TSG101: variants seen among roughly 807,000 people sequenced by gnomAD.
TSG101 encodes the protein tumor susceptibility 101.
Under a neutral mutation model 48.5 loss-of-function variants are expected in TSG101, and 19 were observed. The ratio of observed to expected loss-of-function variants is 0.39; its 90% confidence interval spans 0.27 to 0.58. The LOEUF is 0.58. Among genes scored for constraint, TSG101 ranks in the 20% least tolerant of loss-of-function variants. The pLI is 0.55. For missense variants in TSG101, 365 were observed against 484.4 expected (o/e 0.75, Z 2.31); for synonymous variants, 174 against 169.4 (o/e 1.03, Z -0.21).
intron 2 of TSG101, among the ~76,000 whole-genome samples, chr11:18,518,898 C>T (rs1054454961): frequency 6.6e-6 from 1 of 152,082 alleles, no homozygotes; most frequent in Non-Finnish European, 1.5e-5. Flanking sequence ...TACCCCTGTT[C>T]CCAGCATAAC....
intron 4 of TSG101, among the ~76,000 whole-genome samples, chr11:18,513,483 G>C (rs562276394): frequency 6.6e-6 from 1 of 151,688 alleles, no homozygotes; most frequent in Non-Finnish European, 1.5e-5. Flanking sequence ...TTTTTTTATA[G>C]AGATGGGGTT....
chr11:18,509,943 A>C (rs1413043215), intron 4 of TSG101, among the ~76,000 whole-genome samples: 1 of 152,176 alleles, frequency 6.6e-6, no homozygotes, highest in East Asian at 1.9e-4. Flanking sequence ...ACTCCACAGA[A>C]CTAACAAAAA....
intron 4 of TSG101, among the ~76,000 whole-genome samples, chr11:18,513,220 TTTTTTTTTAGCATCTTA>T (rs1448543185): frequency 3.3e-5 from 5 of 151,504 alleles, no homozygotes; most frequent in Non-Finnish European, 5.9e-5. Context: ...TCTGCTTAGT[TTTTTTTTTAGCATCTTA>T]TCTTTGAAGC....
intron 2 of TSG101, among the ~76,000 whole-genome samples, chr11:18,516,571 C>T (rs1358657560): frequency 6.6e-6 from 1 of 151,970 alleles, no homozygotes; most frequent in Non-Finnish European, 1.5e-5. Context: ...GTCTCGAACT[C>T]CTAACCTCGT....
chr11:18,526,720 G>C, intron 1 of TSG101, 55 bp downstream of exon 1: 1 of 1,578,964 alleles, frequency 6.3e-7, no homozygotes, highest in Non-Finnish European at 8.6e-7. Flanking sequence ...GACTCGACAG[G>C]GCGCGGAAGG....
At position 18,484,085 on chromosome 11, in the gene TSG101, G is replaced by A. The variant is rs2279902; in HGVS notation, c.641-13C>T. ...TCCCTACTGGGACCTGCAGGAAACA[G>A]AGGCAAAAAACACTTGCTTACTTCC... On this transcript the variant is annotated splice_polypyrimidine_tract_variant and intron_variant, in intron 7 of 9. Coordinates refer to ENST00000251968, the MANE Select transcript of TSG101 (RefSeq NM_006292.4). 216,987 of 1,612,220 alleles carry A rather than the reference G, an allele frequency of 0.13. 16,449 individuals carry two copies. Among genetic ancestry groups the A allele is most frequent in the East Asian group, 0.25 (11,038 of 44,824 alleles).
intron 7 of TSG101, among the ~76,000 whole-genome samples, chr11:18,486,725 C>T (rs1237462792): frequency 1.3e-5 from 2 of 151,578 alleles, no homozygotes; most frequent in Non-Finnish European, 2.9e-5. Flanking sequence ...CCTCAGGGAT[C>T]TAGAACTAGA....
intron 7 of TSG101, among the ~76,000 whole-genome samples, chr11:18,499,996 C>T (rs191275932): frequency 6.6e-6 from 1 of 152,236 alleles, no homozygotes; most frequent in Admixed American, 6.5e-5. Context: ...TCTTCATAAG[C>T]CCTATCCCAC....
chr11:18,483,277 C>T (rs1321238683), intron 8 of TSG101, among the ~76,000 whole-genome samples: 1 of 151,994 alleles, frequency 6.6e-6, no homozygotes, highest in Non-Finnish European at 1.5e-5. Context: ...GGTGGATCAC[C>T]TGAGATCAGG....
chr11:18,484,933 G>A (rs966960086), intron 7 of TSG101, among the ~76,000 whole-genome samples: 8 of 106,084 alleles, frequency 7.5e-5, no homozygotes, highest in Non-Finnish European at 1.4e-4. Context: ...CTTAATTGCC[G>A]CCTTTTTTTT....
chr11:18,506,997 C>A, intron 5 of TSG101, 74 bp from the exon 6 acceptor site: 1 of 1,234,330 alleles, frequency 8.1e-7, no homozygotes, highest in Non-Finnish European at 1.2e-6. Flanking sequence ...ATAAGATATA[C>A]ATCACACTGT....
At chr11:18,511,979 T>C (rs1850091414) in intron 4 of TSG101, among the ~76,000 whole-genome samples, 1 of 152,242 alleles carries the variant, frequency 6.6e-6, no homozygotes, top group African/African-American at 2.4e-5. Flanking sequence ...TCTTCATTCA[T>C]ACATTCTTAC....
chr11:18,490,558 T>C (rs559652153), intron 7 of TSG101: 1 of 489,570 alleles, frequency 2.0e-6, no homozygotes, highest in East Asian at 4.6e-5. Flanking sequence ...GTGGTTTGTT[T>C]GTTGTCTCCA....
At chr11:18,489,229 T>A (rs1849664436) in intron 7 of TSG101, among the ~76,000 whole-genome samples, 1 of 145,390 alleles carries the variant, frequency 6.9e-6, no homozygotes, top group African/African-American at 2.6e-5. Context: ...ATCATTCTAT[T>A]TTTTTTTTTT....
chr11:18,506,594 G>C, intron 6 of TSG101, among the ~76,000 whole-genome samples: 1 of 151,924 alleles, frequency 6.6e-6, no homozygotes, highest in Non-Finnish European at 1.5e-5. Flanking sequence ...GGAGGCTGAG[G>C]CAGGAGAATC....
intron 2 of TSG101, among the ~76,000 whole-genome samples, chr11:18,517,231 T>C (rs12419592): frequency 0.16 from 24,548 of 151,568 alleles, 2,594 homozygotes; most frequent in East Asian, 0.4. Flanking sequence ...GGGCTGGACT[T>C]GAACTCCTGG....
At chr11:18,521,484 ACCG>A (rs1850273999) in intron 1 of TSG101, among the ~76,000 whole-genome samples, 1 of 142,332 alleles carries the variant, frequency 7.0e-6, no homozygotes, top group African/African-American at 2.6e-5. Context: ...TACTCCCACC[ACCG>A]CCTCCCAAGT....
intron 7 of TSG101, among the ~76,000 whole-genome samples, chr11:18,484,935 C>CTTTTTTTTTTTTT (rs529154247): frequency 1.9e-5 from 2 of 108,032 alleles, no homozygotes; most frequent in Non-Finnish European, 1.7e-5. Context: ...TAATTGCCGC[C>CTTTTTTTTTTTTT]TTTTTTTTTT....
intron 1 of TSG101, among the ~76,000 whole-genome samples, chr11:18,520,831 G>C (rs1565095881): frequency 6.6e-6 from 1 of 152,056 alleles, no homozygotes; most frequent in Non-Finnish European, 1.5e-5. Context: ...AGGAGTTCGA[G>C]ACCAGCCTGG....
Sources: gnomAD v4.1 joint callset for allele counts (sites outside exome capture counted in the v4.1 genomes callset) on GRCh38, gnomAD v4.1.1 for gene constraint, MANE v1.5 for transcripts, NCBI Gene and HGNC (gene_info 2026-07-23, HGNC 2026-07-21) for gene names.